IQCM: variants seen among roughly 807,000 people sequenced by gnomAD.
IQCM encodes IQ motif containing M.
IQCM carries 45 observed loss-of-function variants against 57.6 expected under a neutral mutation model. The ratio of observed to expected loss-of-function variants is 0.78; its 90% CI spans 0.62 to 1.00. IQCM has a LOEUF of 1.00. IQCM is among the 50% of genes least tolerant of loss of function. IQCM has a pLI of 0.00. For missense variants in IQCM, 468 were observed against 511.6 expected, an observed-to-expected ratio of 0.91 and a Z score of 0.82; for synonymous variants, 148 against 158.9, an observed-to-expected ratio of 0.93 and a Z score of 0.51.
intron 2 of IQCM, among the ~76,000 whole-genome samples, chr4:149,766,190 C>T (rs761702641): frequency 6.2e-4 from 95 of 152,140 alleles, no homozygotes; most frequent in Admixed American, 2.3e-3. Context: ...TCAAATTATG[C>T]CCCATCTACA....
At chr4:149,653,882 A>G (rs1276317402) in intron 7 of IQCM, among the ~76,000 whole-genome samples, 2 of 152,080 alleles carry the variant, frequency 1.3e-5, no homozygotes, top group Non-Finnish European at 1.5e-5. Flanking sequence ...TTTCTACTCA[A>G]TTGTAACTGG....
chr4:149,659,207 A>G (rs1433467821), intron 7 of IQCM, among the ~76,000 whole-genome samples: 1 of 152,088 alleles, frequency 6.6e-6, no homozygotes, highest in Non-Finnish European at 1.5e-5. Context: ...ACAGAGAGCC[A>G]AATCATGAGT....
intron 13 of IQCM, among the ~76,000 whole-genome samples, chr4:149,378,643 T>C (rs749023858): frequency 2.0e-5 from 3 of 152,140 alleles, no homozygotes; most frequent in South Asian, 2.1e-4. Context: ...AGTGGTGACT[T>C]GGGTGCTGTT....
At chr4:149,807,205 A>C (rs565452957) in intron 2 of IQCM, among the ~76,000 whole-genome samples, 1 of 152,160 alleles carries the variant, frequency 6.6e-6, no homozygotes, top group African/African-American at 2.4e-5. Context: ...AGCTAGAGCA[A>C]TCCTAAGCAA....
intron 12 of IQCM, among the ~76,000 whole-genome samples, chr4:149,458,472 T>C (rs1737933838): frequency 6.6e-6 from 1 of 152,068 alleles, no homozygotes; most frequent in African/African-American, 2.4e-5. Flanking sequence ...ACATTTAAGC[T>C]CTAAAGTATA....
intron 6 of IQCM, 80 bp downstream of exon 6, chr4:149,686,298 G>T: frequency 1.7e-6 from 1 of 587,432 alleles, no homozygotes; most frequent in Non-Finnish European, 2.5e-6. Context: ...AAACTTGAGA[G>T]ACCATGACAA....
intron 12 of IQCM, among the ~76,000 whole-genome samples, chr4:149,507,538 T>A (rs750656897): frequency 1.7e-4 from 26 of 152,198 alleles, no homozygotes; most frequent in Non-Finnish European, 3.7e-4. Flanking sequence ...GGTGGCATTT[T>A]GCCCCTGCCC....
Position 149,368,806 on chromosome 4 carries a change from A to ACG in IQCM, c.1391-16741_1391-16740insCG, listed in dbSNP as rs1491222027. Among the ~76,000 whole-genome samples the ACG allele has an allele frequency of 4.3e-4, 49 of 112,730 alleles. 9 individuals are homozygous for ACG. Among genetic ancestry groups the ACG allele is most frequent in the Middle Eastern group, 4.7e-3 (1 of 212 alleles). 74.0% of individuals were successfully genotyped at this position (112,730 alleles called of 152,430 possible). A position where few individuals can be genotyped will look rare whatever the true frequency, so the allele number is the denominator to read the frequency against. On this transcript the variant is annotated intron_variant, in intron 13 of 13. Transcript: ENST00000636793. Reference sequence around the variant, plus strand: ...CATGTATATATATACATATATATACATGTATATATATACATATATATACAT... The same window carrying ACG: ...CATGTATATATATACATATATATACACGTGTATATATATACATATATATACAT...
chr4:149,786,870 C>T (rs1772124767), intron 2 of IQCM, among the ~76,000 whole-genome samples: 1 of 152,198 alleles, frequency 6.6e-6, no homozygotes, highest in South Asian at 2.1e-4. Context: ...TATAAAGACA[C>T]ATGCACACAT....
intron 8 of IQCM, among the ~76,000 whole-genome samples, chr4:149,597,947 A>G (rs1279724885): frequency 1.3e-5 from 2 of 152,198 alleles, no homozygotes; most frequent in African/African-American, 4.8e-5. Flanking sequence ...GAAATAGAGT[A>G]CATAGACATA....
chr4:149,410,096 C>A (rs1733267221), intron 13 of IQCM, among the ~76,000 whole-genome samples: 3 of 152,062 alleles, frequency 2.0e-5, no homozygotes, highest in Admixed American at 2.0e-4. Context: ...AGGCAGAGAA[C>A]TGCTTGAACC....
intron 7 of IQCM, among the ~76,000 whole-genome samples, chr4:149,649,790 G>A (rs557675154): frequency 6.6e-6 from 1 of 152,226 alleles, no homozygotes; most frequent in South Asian, 2.1e-4. Flanking sequence ...GGAAATGCTG[G>A]ATTGTATTTA....
intron 5 of IQCM, among the ~76,000 whole-genome samples, chr4:149,705,524 C>A: frequency 6.6e-6 from 1 of 151,628 alleles, no homozygotes; most frequent in Admixed American, 6.6e-5. Flanking sequence ...GTTGGCATAC[C>A]TTTTATATCC....
chr4:149,559,193 C>T (rs189298061), intron 10 of IQCM, among the ~76,000 whole-genome samples: 134 of 152,272 alleles, frequency 8.8e-4, no homozygotes, highest in Non-Finnish European at 1.5e-3. Context: ...AGTTGTTTTA[C>T]CTCCATTTTG....
At chr4:149,407,276 T>C (rs1311767923) in intron 13 of IQCM, among the ~76,000 whole-genome samples, 1 of 152,176 alleles carries the variant, frequency 6.6e-6, no homozygotes, top group Non-Finnish European at 1.5e-5. Flanking sequence ...TCAATTTAAT[T>C]ATTCTACACT....
chr4:149,375,740 G>A lies in IQCM; in HGVS notation c.1391-23674C>T, dbSNP rs769946466. Among the ~76,000 whole-genome samples the A allele has an allele frequency of 1.2e-3, 176 of 151,992 alleles. 1 individual carries two copies. The highest frequency in any genetic ancestry group is 2.1e-3 in the Admixed American group (32 of 15,264). On this transcript the variant is annotated intron_variant, in intron 13 of 13. Transcript: ENST00000636793. Reference sequence around the variant, plus strand: ...TCATTGATTCTTCCTCCCGGTTTATGTTTCTTCAAATTCAGATTGGAAGTA... The same window carrying A: ...TCATTGATTCTTCCTCCCGGTTTATATTTCTTCAAATTCAGATTGGAAGTA...
Position 149,704,134 on chromosome 4 carries a change from TTTATC to T in IQCM, c.386-17671_386-17667del, listed in dbSNP as rs575105219. ...TATCTTATTGCTTGTCTTAACATTA[TTTATC>T]TTATTATAAACTATATTCCTATTTT... On this transcript the variant is annotated intron_variant, in intron 5 of 13. Transcript: ENST00000636793. 4.8e-3 allele frequency among the ~76,000 whole-genome samples: 733 copies of T among 152,106 alleles called. 6 individuals carry two copies. Among genetic ancestry groups the T allele is most frequent in the African/African-American group, 0.017 (697 of 41,524 alleles).
chr4:149,592,034 T>C, intron 8 of IQCM, among the ~76,000 whole-genome samples: 1 of 152,148 alleles, frequency 6.6e-6, no homozygotes. Context: ...CCACACATTG[T>C]CTTCCACAAT....
chr4:149,606,229 CAG>C lies in IQCM; in HGVS notation c.681+14898_681+14899del, dbSNP rs1754766390. Among the ~76,000 whole-genome samples, 3 of 152,140 alleles carry C rather than the reference CAG, an allele frequency of 2.0e-5. No homozygotes were observed. In the South Asian group the frequency reaches 6.2e-4, roughly 31 times the overall value. ...GCATCACCCCTCCCCCAGCTCCAGG[CAG>C]CCCAGTACAGAGAGAGACTCCTTCT... is the stretch of plus-strand genomic sequence containing the variant. On this transcript the variant is annotated intron_variant, in intron 8 of 13. Transcript: ENST00000636793.
Sources: gnomAD v4.1 joint callset for allele counts (sites outside exome capture counted in the v4.1 genomes callset) on GRCh38, gnomAD v4.1.1 for gene constraint, MANE v1.5 for transcripts, NCBI Gene and HGNC (gene_info 2026-07-23, HGNC 2026-07-21) for gene names.